The following PLXNB1 variants were observed in gnomAD, a reference collection of about 807,000 sequenced individuals.
PLXNB1 encodes the protein plexin B1, also known as plexin-B1.
A neutral mutation model predicts 209.4 loss-of-function variants in PLXNB1; 106 were observed. That is an observed-to-expected ratio of 0.51 (90% CI 0.43 to 0.59). The LOEUF is 0.59. Ranked by LOEUF, PLXNB1 falls within the 20% of genes least tolerant of loss-of-function variation. PLXNB1 has a pLI of 0.00. For synonymous variants in PLXNB1, 1,167 were observed against 1,183.2 expected (o/e 0.99, Z 0.28); for missense variants, 2,357 against 2,853.2 (o/e 0.83, Z 3.96).
Position 48,421,321 on chromosome 3 carries a change from C to A in PLXNB1, c.1717G>T (p.Gly573Trp). The A allele has an allele frequency of 6.3e-7, 1 of 1,591,222 alleles. No homozygotes were observed. Among genetic ancestry groups the A allele is most frequent in the Non-Finnish European group, 8.6e-7 (1 of 1,166,906 alleles). ...WPGESYSCHF[G>W]EHQSPALLTG... ...AGCAGGGCAGGACTCTGATGTTCCC[C>A]AAAGTGGCAGGAATATGACTCCCCT... Residue 573 changes from glycine (G) to tryptophan (W), a missense_variant, in exon 8 of 38, where the codon GGG becomes TGG. Physicochemically the swap from Gly to Trp is radical, Grantham distance 184 (BLOSUM62 -2). Transcript: ENST00000296440.
In PLXNB1 at chr3:48,417,929, T is replaced by A; in HGVS notation, c.3356A>T (p.Glu1119Val). The change falls in exon 16 of 38, where the codon GAG (glutamate) becomes GTG (valine). Residue 1119 changes from glutamate to valine, a missense_variant. By Grantham distance (121) the Glu-to-Val change is moderately radical. Coordinates refer to ENST00000296440, the MANE Select transcript of PLXNB1 (RefSeq NM_001130082.3). This position sits in a 1 kb window ranked among gnomAD's most constrained non-coding sequence, Gnocchi z 4.4. ...AGCTTACCTGCTGGAGACCTCGTAC[T>A]CCTGGGCATCCACAGCACAGGGCAC... is the stretch of plus-strand genomic sequence containing the variant. ...AGVPCAVDAQEYEVSSSLVCI... is the reference protein window; with the variant it reads ...AGVPCAVDAQVYEVSSSLVCI... The A allele has an allele frequency of 6.2e-7, 1 of 1,611,740 alleles. No homozygotes were observed. The highest frequency in any genetic ancestry group is 1.1e-5 in the South Asian group (1 of 91,016).
intron 6 of PLXNB1, 22 bp from the exon 7 acceptor site, chr3:48,421,828 T>C (rs374515877): frequency 6.9e-6 from 11 of 1,589,212 alleles, no homozygotes; most frequent in Non-Finnish European, 8.6e-6. Flanking sequence ...GACCAGTGTC[T>C]ATCTGTGACC....
At position 48,423,884 on chromosome 3, in the gene PLXNB1, G is replaced by A; in HGVS notation, c.728C>T (p.Ala243Val). 6.2e-7 allele frequency: 1 copy of A among 1,614,052 alleles called. No homozygotes were observed. The highest frequency in any genetic ancestry group is 8.5e-7 in the Non-Finnish European group (1 of 1,180,016). Residue 243 changes from alanine (A) to valine (V), a missense_variant, in exon 3 of 38, where the codon GCT becomes GTT. Transcript: ENST00000296440. Reference protein sequence around the residue: ...LRRDLQAQSRAFRAYVSRVCL... With the variant: ...LRRDLQAQSRVFRAYVSRVCL... Reference sequence around the variant, plus strand: ...CACTCGAGATACATAGGCACGAAAAGCTCTAGACTGAGCCTGCAGGTCCCG... The same window carrying A: ...CACTCGAGATACATAGGCACGAAAAACTCTAGACTGAGCCTGCAGGTCCCG...
Position 48,412,829 on chromosome 3 carries a change from C to T in PLXNB1, c.4767G>A (p.Leu1589=). 1.2e-6 allele frequency: 2 copies of T among 1,613,794 alleles called. No individual in the cohort carries two copies. The highest frequency in any genetic ancestry group is 8.5e-7 in the Non-Finnish European group (1 of 1,180,026). ...GHRESPLHRD[L]GVPESRRPTV... ...TGGGCCGTCTGCTCTCAGGCACACC[C>T]AGGTCCCGGTGCAAGGGCGACTCGC... is the stretch of plus-strand genomic sequence containing the variant. The change falls in exon 25 of 38, where the codon CTG becomes CTA. Residue 1589 remains leucine, a synonymous_variant. Transcript: ENST00000296440.
Position 48,423,974 on chromosome 3 carries a change from T to G in PLXNB1, c.638A>C (p.Glu213Ala). The change falls in exon 3 of 38, where the codon GAG (glutamate) becomes GCG (alanine). Residue 213 changes from glutamate (E) to alanine (A), a missense_variant. By Grantham distance (107) the Glu-to-Ala change is moderately radical. This residue lies in a region of PLXNB1 where 404 missense variants were observed against 443.6 expected (regional missense o/e 0.91). Transcript: ENST00000296440. Reference sequence around the variant, plus strand: ...GGCACTCACGAAGTGGTGGCTGTACTCGGAGAGGCGGCCCACTGCCAGCTT... The same window carrying G: ...GGCACTCACGAAGTGGTGGCTGTACGCGGAGAGGCGGCCCACTGCCAGCTT... ...TAKLAVGRLSEYSHHFVSAFA... is the reference protein window; with the variant it reads ...TAKLAVGRLSAYSHHFVSAFA... 6.2e-7 allele frequency: 1 copy of G among 1,613,748 alleles called. No homozygotes were observed. The highest frequency in any genetic ancestry group is 8.5e-7 in the Non-Finnish European group (1 of 1,179,910).
Position 48,405,563 on chromosome 3 carries a change from C to G in PLXNB1, c.6303+161G>C, listed in dbSNP as rs1003133758. Among the ~76,000 whole-genome samples the G allele has an allele frequency of 6.6e-6, 1 of 152,138 alleles. No homozygotes were observed. Among genetic ancestry groups the G allele is most frequent in the Non-Finnish European group, 1.5e-5 (1 of 68,020 alleles). On this transcript the variant is annotated intron_variant, in intron 37 of 37. Transcript: ENST00000296440. This position sits in a 1 kb window ranked among gnomAD's most constrained non-coding sequence, Gnocchi z 5.0. Reference sequence around the variant, plus strand: ...AGAGCACAGCCAATGCCAGGAAGCCCGCCTGGAAAACACTTCTCAAGCCAC... The same window carrying G: ...AGAGCACAGCCAATGCCAGGAAGCCGGCCTGGAAAACACTTCTCAAGCCAC...
In PLXNB1 at chr3:48,410,247, CG is replaced by C; in HGVS notation, c.5605+48del. ...GCCCAGAGGACCTTCCCCATGACTCCGGGCTGGGCACAGCAGGGGCAGAGGA... is the reference window on the plus strand; with the variant it reads ...GCCCAGAGGACCTTCCCCATGACTCCGGCTGGGCACAGCAGGGGCAGAGGA... On this transcript the variant is annotated intron_variant, in intron 31 of 37. Transcript: ENST00000296440. This position sits in a 1 kb window ranked among gnomAD's most constrained non-coding sequence, Gnocchi z 6.4. The C allele has an allele frequency of 6.6e-7, 1 of 1,520,968 alleles. No individual in the cohort carries two copies. The highest frequency in any genetic ancestry group is 9.0e-7 in the Non-Finnish European group (1 of 1,114,116). 94.2% of individuals were successfully genotyped at this position (1,520,968 alleles called of 1,614,324 possible).
At chr3:48,414,435 T>C (rs2037929895) in intron 21 of PLXNB1, among the ~76,000 whole-genome samples, 1 of 152,182 alleles carries the variant, frequency 6.6e-6, no homozygotes, top group Admixed American at 6.5e-5. Flanking sequence ...CCACTGTGTA[T>C]GTCCAAGACA....
intron 1 of PLXNB1, 54 bp from the exon 2 acceptor site, chr3:48,425,387 G>A (rs997372717): frequency 2.0e-5 from 3 of 152,194 alleles, no homozygotes; most frequent in Non-Finnish European, 4.4e-5. Flanking sequence ...CAGGCACGTG[G>A]AAGCCCTGGG....
chr3:48,410,824 GC>G lies in PLXNB1; in HGVS notation c.5416+43del, dbSNP rs1560049086. The G allele has an allele frequency of 6.4e-7, 1 of 1,571,648 alleles. No individual in the cohort carries two copies. Among genetic ancestry groups the G allele is most frequent in the Admixed American group, 1.8e-5 (1 of 55,514 alleles). On this transcript the variant is annotated intron_variant, in intron 29 of 37. Transcript: ENST00000296440. This position sits in a 1 kb window ranked among gnomAD's most constrained non-coding sequence, Gnocchi z 6.4. Reference sequence around the variant, plus strand: ...CAGAGTTGGTCCGGGGCCAGCCCAGGCCCAACAGTGGCTCAGGTCCCCAGGG... The same window carrying G: ...CAGAGTTGGTCCGGGGCCAGCCCAGGCCAACAGTGGCTCAGGTCCCCAGGG...
intron 1 of PLXNB1, among the ~76,000 whole-genome samples, chr3:48,428,810 G>T (rs1034890787): frequency 5.9e-4 from 89 of 151,342 alleles, no homozygotes; most frequent in Non-Finnish European, 1.2e-3. Flanking sequence ...GGAGAGGAGG[G>T]TCCCCCCCAC....
At position 48,406,172 on chromosome 3, in the gene PLXNB1, A is replaced by G; in HGVS notation, c.6229-374T>C. On this transcript the variant is annotated intron_variant, in intron 36 of 37. Coordinates refer to ENST00000296440, the MANE Select transcript of PLXNB1 (RefSeq NM_001130082.3). The surrounding 1 kb of genome is among the most constrained non-coding windows in gnomAD (Gnocchi z 4.4). ...GCACAGATGCCACTTGCAGGCTGAC[A>G]GCCCAGCATGATTCTGCTCTGGCCT... 1 of 239,754 alleles carries G rather than the reference A, an allele frequency of 4.2e-6. No homozygotes were observed. Among genetic ancestry groups the G allele is most frequent in the Non-Finnish European group, 8.3e-6 (1 of 120,086 alleles). 14.9% of individuals were successfully genotyped at this position (239,754 alleles called of 1,614,324 possible).
chr3:48,413,180 C>G lies in PLXNB1; in HGVS notation c.4536-11G>C, dbSNP rs371138016. Reference sequence around the variant, plus strand: ...TGCTTGCTCTTCCTCCTGCTCAGCCCCAGGGTCAGGAGAGGATGGCCAGAT... The same window carrying G: ...TGCTTGCTCTTCCTCCTGCTCAGCCGCAGGGTCAGGAGAGGATGGCCAGAT... On this transcript the variant is annotated splice_polypyrimidine_tract_variant and intron_variant, in intron 23 of 37. Transcript: ENST00000296440. The surrounding 1 kb of genome is among the most constrained non-coding windows in gnomAD (Gnocchi z 5.4). 39 of 1,604,820 alleles carry G rather than the reference C, an allele frequency of 2.4e-5. No homozygotes were observed. The highest frequency in any genetic ancestry group is 3.3e-5 in the Admixed American group (2 of 60,000).
At position 48,418,787 on chromosome 3, in the gene PLXNB1, G is replaced by A; in HGVS notation, c.2955+130C>T. The A allele has an allele frequency of 1.7e-6, 2 of 1,205,364 alleles. No individual in the cohort carries two copies. The highest frequency in any genetic ancestry group is 2.4e-6 in the Non-Finnish European group (2 of 836,118). The allele number at this position is 1,205,364 out of a possible 1,614,324, so 74.7% of individuals were successfully genotyped here. A position where few individuals can be genotyped will look rare whatever the true frequency, so the allele number is the denominator to read the frequency against. On this transcript the variant is annotated intron_variant, in intron 13 of 37. Transcript: ENST00000296440. This position sits in a 1 kb window ranked among gnomAD's most constrained non-coding sequence, Gnocchi z 6.6. ...ACATGGTCAGAGGTCAGAAATGGGT[G>A]TGGAGACTCCCTCAGGGCGACACGG...
Position 48,410,351 on chromosome 3 carries a change from G to T in PLXNB1, c.5550C>A (p.Val1850=). The T allele has an allele frequency of 6.2e-7, 1 of 1,613,462 alleles. No individual in the cohort carries two copies. The change falls in exon 31 of 38, where the codon GTC becomes GTA. Residue 1850 remains valine, a synonymous_variant. Coordinates refer to ENST00000296440, the MANE Select transcript of PLXNB1 (RefSeq NM_001130082.3). The surrounding 1 kb of genome is among the most constrained non-coding windows in gnomAD (Gnocchi z 6.4). The stretch of plus-strand genomic sequence containing the variant: ...GGAGCACATGCTTGGTGAGGCAGGG[G>T]ACGAGGGCCACAGTTGCTCCATCTG... ...KVPDGATVAL[V]PCLTKHVLRE... is the part of the protein sequence containing the mutation.
In PLXNB1 at chr3:48,406,979, C is replaced by G. The variant is rs1159949369; in HGVS notation, c.6152+48G>C. ...CCCAACCAGAGCCCACCCCCCAAGC[C>G]TCAGCTGCACACGCCCTCCAACCTC... On this transcript the variant is annotated intron_variant, in intron 35 of 37. Transcript: ENST00000296440. This position sits in a 1 kb window ranked among gnomAD's most constrained non-coding sequence, Gnocchi z 4.4. The G allele has an allele frequency of 6.2e-7, 1 of 1,610,154 alleles. No individual in the cohort carries two copies. Among genetic ancestry groups the G allele is most frequent in the African/African-American group, 1.3e-5 (1 of 74,842 alleles).
At position 48,418,009 on chromosome 3, in the gene PLXNB1, G is replaced by T; in HGVS notation, c.3276C>A (p.Gly1092=). ...VDGGTRVTIR[G]SNLGQHVQDV... Reference sequence around the variant, plus strand: ...CCTGCACATGCTGGCCCAGGTTGGAGCCCCTGATGGTGACACGGGTGCCTC... The same window carrying T: ...CCTGCACATGCTGGCCCAGGTTGGATCCCCTGATGGTGACACGGGTGCCTC... Residue 1092 remains glycine, a synonymous_variant, in exon 16 of 38, where the codon GGC becomes GGA. Transcript: ENST00000296440. This position sits in a 1 kb window ranked among gnomAD's most constrained non-coding sequence, Gnocchi z 6.6. The T allele has an allele frequency of 6.2e-7, 1 of 1,613,514 alleles. No homozygotes were observed. The highest frequency in any genetic ancestry group is 8.5e-7 in the Non-Finnish European group (1 of 1,180,008).
intron 21 of PLXNB1, 64 bp downstream of exon 21, chr3:48,414,735 C>A (rs1010167215): frequency 1.9e-6 from 3 of 1,575,364 alleles, no homozygotes; most frequent in East Asian, 2.2e-5. Flanking sequence ...CCGCCACACA[C>A]AGCAGTGCTG....
Position 48,423,541 on chromosome 3 carries a change from C to G in PLXNB1, c.1071G>C (p.Glu357Asp). ...GTGCACAGTCAGAATTGACATCATACTCGATGTAGGCCACCTCGGTCCCAT... is the reference window on the plus strand; with the variant it reads ...GTGCACAGTCAGAATTGACATCATAGTCGATGTAGGCCACCTCGGTCCCAT... Reference protein sequence around the residue: ...AEDGTEVAYIEYDVNSDCAQL... With the variant: ...AEDGTEVAYIDYDVNSDCAQL... Residue 357 changes from glutamate to aspartate, a missense_variant, in exon 3 of 38, where the codon GAG (glutamate) becomes GAC (aspartate). Physicochemically the swap from Glu to Asp is conservative, Grantham distance 45. Transcript: ENST00000296440. 1 of 1,614,170 alleles carries G rather than the reference C, an allele frequency of 6.2e-7. No individual in the cohort carries two copies. The highest frequency in any genetic ancestry group is 8.5e-7 in the Non-Finnish European group (1 of 1,180,000).
Sources: allele counts gnomAD v4.1 joint callset (sites outside exome capture counted in the v4.1 genomes callset), GRCh38; gene constraint gnomAD v4.1.1; regional missense constraint gnomAD v4.1.1; non-coding constraint Gnocchi (gnomAD v3.1); transcripts MANE v1.5; gene names NCBI Gene and HGNC (gene_info 2026-07-23, HGNC 2026-07-21).